The following TNFSF4 variants were observed in gnomAD, a reference collection of about 807,000 sequenced individuals.
TNFSF4 encodes the protein tumor necrosis factor ligand superfamily member 4.
Under a neutral mutation model 7.3 loss-of-function variants are expected in TNFSF4, and 4 were observed. The ratio of observed to expected loss-of-function variants is 0.55; its 90% CI spans 0.27 to 1.25. The LOEUF (loss-of-function observed/expected upper bound fraction) is 1.25. Ranked by LOEUF, TNFSF4 falls within the 50% of genes most tolerant of loss-of-function variation. The pLI, the probability that TNFSF4 is intolerant of heterozygous loss-of-function variation, is 0.12. For missense variants in TNFSF4, 181 were observed against 208.8 expected (o/e 0.87, Z 0.82); for synonymous variants, 76 against 83.7 (o/e 0.91, Z 0.50).
intron 1 of TNFSF4, among the ~76,000 whole-genome samples, chr1:173,205,154 T>G (rs1650127906): frequency 6.6e-6 from 1 of 152,174 alleles, no homozygotes; most frequent in South Asian, 2.1e-4. Context: ...TAACATCAAG[T>G]GAAGAACTTC....
the TNFSF4 span, among the ~76,000 whole-genome samples, chr1:173,288,226 G>A: frequency 6.6e-5 from 10 of 152,262 alleles, no homozygotes; most frequent in Non-Finnish European, 1.5e-4. Context: ...GCCAAGGTGG[G>A]TGGATTGCTT....
At chr1:173,399,315 T>C in the TNFSF4 span, among the ~76,000 whole-genome samples, 18,354 of 152,166 alleles carry the variant, frequency 0.12, 1,417 homozygotes, top group South Asian at 0.24. Flanking sequence ...TACAGATGAT[T>C]CTGCATAATA....
At chr1:173,187,237 G>T (rs1649268557) in intron 2 of TNFSF4, among the ~76,000 whole-genome samples, 1 of 152,186 alleles carries the variant, frequency 6.6e-6, no homozygotes, top group Non-Finnish European at 1.5e-5. Context: ...AGCACCTATA[G>T]CAGGACAGGT....
the TNFSF4 span, among the ~76,000 whole-genome samples, chr1:173,340,327 C>T: frequency 1.1e-4 from 1 of 9,284 alleles, no homozygotes; most frequent in Non-Finnish European, 5.7e-4. Flanking sequence ...TCTGTTTACA[C>T]ACACACACAC....
chr1:173,338,023 A>G, the TNFSF4 span, among the ~76,000 whole-genome samples: 2 of 152,186 alleles, frequency 1.3e-5, no homozygotes, highest in Admixed American at 1.3e-4. Context: ...AAAACAGGCC[A>G]TAGTGGCAGG....
chr1:173,230,030 A>C, the TNFSF4 span, among the ~76,000 whole-genome samples: 29 of 152,242 alleles, frequency 1.9e-4, no homozygotes, highest in Admixed American at 4.6e-4. Flanking sequence ...TCAACAAGAC[A>C]GAAAGTTGAC....
chr1:173,241,728 G>A, the TNFSF4 span, among the ~76,000 whole-genome samples: 2 of 152,236 alleles, frequency 1.3e-5, no homozygotes, highest in Non-Finnish European at 2.9e-5. Flanking sequence ...GCCAGCAGAG[G>A]CTATGGGAGG....
At chr1:173,341,055 A>G in the TNFSF4 span, among the ~76,000 whole-genome samples, 1 of 152,008 alleles carries the variant, frequency 6.6e-6, no homozygotes, top group African/African-American at 2.4e-5. Context: ...TTAACTCTTC[A>G]CTTCTCCTTG....
chr1:173,418,293 C>T, the TNFSF4 span: 2 of 152,202 alleles, frequency 1.3e-5, no homozygotes, highest in South Asian at 4.1e-4. Flanking sequence ...AAAGCACTTG[C>T]TTGTCAAGGG....
chr1:173,273,036 T>G, the TNFSF4 span, among the ~76,000 whole-genome samples: 1 of 152,176 alleles, frequency 6.6e-6, no homozygotes, highest in African/African-American at 2.4e-5. Flanking sequence ...TGTGAGGCTA[T>G]TATTTCTTCT....
chr1:173,345,308 T>C, the TNFSF4 span, among the ~76,000 whole-genome samples: 4 of 152,302 alleles, frequency 2.6e-5, no homozygotes, highest in South Asian at 8.3e-4. Flanking sequence ...GAAAAGTGTG[T>C]TTGCCATCAA....
the TNFSF4 span, among the ~76,000 whole-genome samples, chr1:173,282,102 G>C: frequency 6.6e-6 from 1 of 152,182 alleles, no homozygotes; most frequent in African/African-American, 2.4e-5. Context: ...TAGTTAGATA[G>C]AAGAAGTAAG....
the TNFSF4 span, among the ~76,000 whole-genome samples, chr1:173,319,346 G>A: frequency 6.6e-6 from 1 of 152,202 alleles, no homozygotes; most frequent in African/African-American, 2.4e-5. Flanking sequence ...CCAGTCAGGG[G>A]CTTACAGATA....
the TNFSF4 span, among the ~76,000 whole-genome samples, chr1:173,340,529 G>T: frequency 6.6e-6 from 1 of 152,122 alleles, no homozygotes. Context: ...AATGGGTGAG[G>T]AAGTTTTTTT....
chr1:173,368,270 C>T, the TNFSF4 span, among the ~76,000 whole-genome samples: 1 of 152,098 alleles, frequency 6.6e-6, no homozygotes, highest in African/African-American at 2.4e-5. Context: ...AACTTTGCTA[C>T]CACTCACTCT....
intron 2 of TNFSF4, among the ~76,000 whole-genome samples, chr1:173,187,535 G>A (rs182227949): frequency 9.8e-5 from 15 of 152,330 alleles, no homozygotes; most frequent in Admixed American, 9.1e-4. Flanking sequence ...TAATAATGCA[G>A]CTGTGCACAC....
chr1:173,308,349 C>T, the TNFSF4 span, among the ~76,000 whole-genome samples: 1 of 144,586 alleles, frequency 6.9e-6, no homozygotes, highest in Non-Finnish European at 1.5e-5. Flanking sequence ...GACCTTTTCC[C>T]CTGTGTCAAG....
chr1:173,245,236 G>T, the TNFSF4 span, among the ~76,000 whole-genome samples: 3 of 152,112 alleles, frequency 2.0e-5, no homozygotes, highest in Admixed American at 6.6e-5. Flanking sequence ...TGGACTAGGT[G>T]ATCAATAAAG....
At chr1:173,279,990 T>C in the TNFSF4 span, among the ~76,000 whole-genome samples, 1 of 152,122 alleles carries the variant, frequency 6.6e-6, no homozygotes, top group African/African-American at 2.4e-5. Context: ...TGTAGCCTCA[T>C]CTCTTTTCAA....
Sources: allele counts gnomAD v4.1 joint callset (sites outside exome capture counted in the v4.1 genomes callset), GRCh38; gene constraint gnomAD v4.1.1; transcripts MANE v1.5; gene names NCBI Gene and HGNC (gene_info 2026-07-23, HGNC 2026-07-21).